The following SLC39A10 variants were observed in gnomAD, a reference collection of about 807,000 sequenced individuals.
The protein encoded by SLC39A10 is zinc transporter ZIP10.
A neutral mutation model predicts 65.1 loss-of-function variants in SLC39A10; 13 were observed. The ratio of observed to expected loss-of-function variants is 0.20; its 90% CI spans 0.13 to 0.32. SLC39A10 has a LOEUF of 0.32. Among genes scored for constraint, SLC39A10 ranks in the 10% least tolerant of loss-of-function variants. The pLI is 1.00. For synonymous variants in SLC39A10, 321 were observed against 342.2 expected (o/e 0.94, Z 0.68); for missense variants, 831 against 1,018.4 (o/e 0.82, Z 2.50).
At chr2:195,681,737 AT>A (rs1276578453) in intron 2 of SLC39A10, among the ~76,000 whole-genome samples, 2 of 152,060 alleles carry the variant, frequency 1.3e-5, no homozygotes, top group Non-Finnish European at 2.9e-5. Context: ...TACTGTTATT[AT>A]TGTTAGCCAT....
upstream of SLC39A10, among the ~76,000 whole-genome samples, chr2:195,655,943 A>G (rs2105717718): frequency 6.6e-6 from 1 of 152,318 alleles, no homozygotes; most frequent in South Asian, 2.1e-4. Context: ...AGCCGTCCAT[A>G]CTGAATGGGT....
chr2:195,734,862 T>C (rs1272549833), intron 9 of SLC39A10, 21 bp from the exon 10 acceptor site: 1 of 1,585,136 alleles, frequency 6.3e-7, no homozygotes, highest in Admixed American at 1.9e-5. Context: ...CAAAGTTTAA[T>C]GTGAAGATTT....
chr2:195,710,547 C>G (rs944690119), intron 5 of SLC39A10, among the ~76,000 whole-genome samples: 6 of 152,100 alleles, frequency 3.9e-5, no homozygotes, highest in African/African-American at 1.4e-4. Flanking sequence ...GGGAGTGATT[C>G]TGGTTTACAT....
intron 8 of SLC39A10, among the ~76,000 whole-genome samples, chr2:195,719,067 A>G (rs1377726462): frequency 6.6e-6 from 1 of 152,030 alleles, no homozygotes; most frequent in East Asian, 1.9e-4. Context: ...TTTCATTTAA[A>G]AAAATGTTTT....
At chr2:195,639,643 A>G (rs533262011) in intron 2 of SLC39A10, among the ~76,000 whole-genome samples, 2 of 152,158 alleles carry the variant, frequency 1.3e-5, no homozygotes, top group Non-Finnish European at 2.9e-5. Flanking sequence ...GAGTGCAGTG[A>G]CGCAATCTCT....
intron 1 of SLC39A10, among the ~76,000 whole-genome samples, chr2:195,661,160 G>A (rs1220810939): frequency 6.6e-6 from 1 of 151,972 alleles, no homozygotes; most frequent in African/African-American, 2.4e-5. Context: ...TTTACAGAAA[G>A]GATTTTCTGT....
At chr2:195,664,844 G>T (rs1397093958) in intron 1 of SLC39A10, among the ~76,000 whole-genome samples, 1 of 152,140 alleles carries the variant, frequency 6.6e-6, no homozygotes, top group Non-Finnish European at 1.5e-5. Flanking sequence ...AGTAATCAAA[G>T]ATAATAGCAC....
At chr2:195,672,599 G>A (rs1321393535) in intron 1 of SLC39A10, among the ~76,000 whole-genome samples, 1 of 152,176 alleles carries the variant, frequency 6.6e-6, no homozygotes, top group Non-Finnish European at 1.5e-5. Flanking sequence ...AGTGATTAGA[G>A]TACTCAAGAT....
At chr2:195,678,442 C>T (rs922825676) in intron 1 of SLC39A10, among the ~76,000 whole-genome samples, 5 of 152,052 alleles carry the variant, frequency 3.3e-5, no homozygotes, top group Non-Finnish European at 7.4e-5. Flanking sequence ...GTTACCTACT[C>T]ATTTTTTCAT....
chr2:195,714,897 C>T (rs1230729706), intron 6 of SLC39A10, among the ~76,000 whole-genome samples: 18 of 152,068 alleles, frequency 1.2e-4, no homozygotes, highest in East Asian at 2.0e-4. Context: ...GGACTACAGG[C>T]GCCCGCCATC....
In SLC39A10 at chr2:195,708,700, T is replaced by C. The variant is rs1691495334; in HGVS notation, c.1431T>C (p.His477=). The change falls in exon 5 of 10, where the codon CAT becomes CAC. Residue 477 remains histidine, a synonymous_variant. Transcript: ENST00000359634. ...HDHSHQHAHG[H]GHSHGHESNK... ...ACAGTCACCAACATGCACATGGGCA[T>C]GGACATTCTCATGGACATGAATCTA... The C allele has an allele frequency of 2.5e-6, 4 of 1,612,620 alleles. No homozygotes were observed. Among genetic ancestry groups the C allele is most frequent in the Middle Eastern group, 1.7e-4 (1 of 6,056 alleles).
intron 1 of SLC39A10, among the ~76,000 whole-genome samples, chr2:195,670,994 A>G (rs189875506): frequency 8.0e-4 from 122 of 152,316 alleles, no homozygotes; most frequent in Non-Finnish European, 1.4e-3. Context: ...AGCAGTTTTC[A>G]TGAAGTGAAG....
chr2:195,641,558 T>C (rs1011096690), intron 2 of SLC39A10, among the ~76,000 whole-genome samples: 9 of 152,238 alleles, frequency 5.9e-5, no homozygotes, highest in Non-Finnish European at 1.0e-4. Context: ...TTTTATATTC[T>C]TTGTACTAAG....
chr2:195,686,697 A>G (rs1690540822), intron 3 of SLC39A10, among the ~76,000 whole-genome samples: 1 of 152,236 alleles, frequency 6.6e-6, no homozygotes, highest in African/African-American at 2.4e-5. Flanking sequence ...GGAGGCTTAG[A>G]GAATAAGTCA....
chr2:195,698,871 A>G (rs1691076982), intron 3 of SLC39A10, among the ~76,000 whole-genome samples: 1 of 151,942 alleles, frequency 6.6e-6, no homozygotes, highest in African/African-American at 2.4e-5. Flanking sequence ...TTTTGGAAAA[A>G]GTTTGAGAAG....
chr2:195,617,714 C>CTTTTA lies in SLC39A10; in HGVS notation c.-12+11485_-12+11486insATTTT, dbSNP rs1553490663. Among the ~76,000 whole-genome samples the CTTTTA allele has an allele frequency of 4.3e-3, 634 of 147,132 alleles. 3 individuals are homozygous for CTTTTA. The highest frequency in any genetic ancestry group is 0.015 in the African/African-American group (609 of 40,058). On this transcript the variant is annotated intron_variant, in intron 2 of 2. Coordinates refer to the SLC39A10 transcript ENST00000458054. ...AGTGAGACCTTGTTTCTTTTCTTTT[C>CTTTTA]TTTTCTTTTCTTTTATTTTATTTTA...
intron 3 of SLC39A10, among the ~76,000 whole-genome samples, chr2:195,698,342 A>C (rs1028592110): frequency 6.6e-6 from 1 of 152,240 alleles, no homozygotes; most frequent in East Asian, 1.9e-4. Context: ...GTTTGGCTAG[A>C]ACTTCCAGTA....
intron 5 of SLC39A10, among the ~76,000 whole-genome samples, chr2:195,709,310 C>T (rs1310049729): frequency 1.3e-5 from 2 of 152,174 alleles, no homozygotes; most frequent in African/African-American, 4.8e-5. Context: ...CCACTCACAG[C>T]AACCTCCACC....
chr2:195,661,317 CAT>C lies in SLC39A10; in HGVS notation c.-12+4039_-12+4040del, dbSNP rs141248008. ...TTTAGCTTTTTCTAAAATATCCAAA[CAT>C]ATTCTCAATAAAAAATTAGTGGAAT... On this transcript the variant is annotated intron_variant, in intron 1 of 9. Transcript: ENST00000359634. 9.0e-3 allele frequency among the ~76,000 whole-genome samples: 1,364 copies of C among 152,226 alleles called. 22 individuals carry two copies. The highest frequency in any genetic ancestry group is 0.032 in the African/African-American group (1,319 of 41,536).
Sources: gnomAD v4.1 joint callset for allele counts (sites outside exome capture counted in the v4.1 genomes callset) on GRCh38, gnomAD v4.1.1 for gene constraint, MANE v1.5 for transcripts, NCBI Gene and HGNC (gene_info 2026-07-23, HGNC 2026-07-21) for gene names.